DLG2: variants seen among roughly 807,000 people sequenced by gnomAD.
The protein encoded by DLG2 is disks large homolog 2.
In DLG2, 45 loss-of-function variants were observed where a neutral mutation model predicts 132.5. The observed-to-expected ratio is 0.34, with a 90% CI of 0.27 to 0.44. The LOEUF is 0.44. Among genes scored for constraint, DLG2 ranks in the 20% least tolerant of loss-of-function variants. The probability of loss-of-function intolerance (pLI) is 1.00; values close to 1 mark genes in which losing one functional copy is unlikely to be tolerated. For missense variants in DLG2, 1,045 were observed against 1,196.9 expected, an observed-to-expected ratio of 0.87 and a Z score of 1.87; for synonymous variants, 424 against 419.6, an observed-to-expected ratio of 1.01 and a Z score of -0.13.
At chr11:85,205,167 T>TAG (rs763300145) in intron 4 of DLG2, among the ~76,000 whole-genome samples, 1 of 138,782 alleles carries the variant, frequency 7.2e-6, no homozygotes, top group African/African-American at 2.5e-5. Context: ...TATATATAGA[T>TAG]ATATATATAT....
chr11:83,714,147 T>C (rs2086143639), intron 18 of DLG2, among the ~76,000 whole-genome samples: 2 of 152,152 alleles, frequency 1.3e-5, no homozygotes, highest in Admixed American at 1.3e-4. Flanking sequence ...GAATAGAAAC[T>C]ACAAATGTAA....
intron 3 of DLG2, among the ~76,000 whole-genome samples, chr11:85,295,829 A>C (rs886981249): frequency 5.9e-5 from 9 of 152,148 alleles, no homozygotes; most frequent in Admixed American, 5.9e-4. Context: ...TGCTTAGCTG[A>C]AGCTACTTGG....
At chr11:84,785,390 C>T (rs1269755141) in intron 6 of DLG2, among the ~76,000 whole-genome samples, 6 of 152,012 alleles carry the variant, frequency 3.9e-5, no homozygotes, top group South Asian at 2.1e-4. Flanking sequence ...CAATATTTTA[C>T]GCAAGACTCC....
At chr11:83,829,938 A>T (rs974705285) in intron 17 of DLG2, among the ~76,000 whole-genome samples, 4 of 152,012 alleles carry the variant, frequency 2.6e-5, no homozygotes, top group Non-Finnish European at 5.9e-5. Flanking sequence ...GATGTTCGCC[A>T]TCCTGTGTCC....
intron 3 of DLG2, among the ~76,000 whole-genome samples, chr11:85,486,406 C>A (rs907518848): frequency 1.3e-5 from 2 of 152,232 alleles, no homozygotes; most frequent in African/African-American, 2.4e-5. Context: ...CTGGAAATCA[C>A]CCTGCCTCTG....
At chr11:85,344,934 G>C (rs1171136613) in intron 3 of DLG2, among the ~76,000 whole-genome samples, 2 of 150,546 alleles carry the variant, frequency 1.3e-5, no homozygotes, top group East Asian at 3.9e-4. Flanking sequence ...TCAAGACAGA[G>C]CAATAAAGTT....
At chr11:84,920,510 G>C (rs1184106610) in intron 6 of DLG2, among the ~76,000 whole-genome samples, 2 of 152,048 alleles carry the variant, frequency 1.3e-5, no homozygotes, top group Non-Finnish European at 2.9e-5. Context: ...GTCCATTATG[G>C]GTCAGAAATA....
chr11:85,338,122 A>G (rs2082250767), intron 3 of DLG2, among the ~76,000 whole-genome samples: 1 of 152,218 alleles, frequency 6.6e-6, no homozygotes, highest in Non-Finnish European at 1.5e-5. Flanking sequence ...AAGAGAGGCA[A>G]TATTTAAAGA....
At chr11:84,978,344 T>C (rs1356823064) in intron 6 of DLG2, among the ~76,000 whole-genome samples, 1 of 152,188 alleles carries the variant, frequency 6.6e-6, no homozygotes, top group Non-Finnish European at 1.5e-5. Flanking sequence ...AGAGCCCGCA[T>C]TGCCAAGACA....
At chr11:85,148,891 T>G (rs1035487939) in intron 5 of DLG2, among the ~76,000 whole-genome samples, 14 of 152,238 alleles carry the variant, frequency 9.2e-5, no homozygotes, top group Non-Finnish European at 2.1e-4. Context: ...GGGTTTACAT[T>G]TAAGTATTTA....
At chr11:84,206,580 G>T (rs766735409) in intron 8 of DLG2, among the ~76,000 whole-genome samples, 4 of 151,980 alleles carry the variant, frequency 2.6e-5, no homozygotes, top group African/African-American at 4.8e-5. Context: ...TACAAGGTGG[G>T]CTTAACATTT....
At chr11:84,604,016 T>C (rs1306820262) in intron 6 of DLG2, among the ~76,000 whole-genome samples, 1 of 152,004 alleles carries the variant, frequency 6.6e-6, no homozygotes, top group Non-Finnish European at 1.5e-5. Flanking sequence ...CAAGGGATCA[T>C]CATCATCATC....
At chr11:84,470,199 T>G (rs1388044458) in intron 7 of DLG2, among the ~76,000 whole-genome samples, 1 of 151,730 alleles carries the variant, frequency 6.6e-6, no homozygotes, top group African/African-American at 2.4e-5. Flanking sequence ...GTAAACATAG[T>G]TGAATCTAAA....
At chr11:84,717,207 A>C (rs1430290393) in intron 6 of DLG2, among the ~76,000 whole-genome samples, 1 of 152,078 alleles carries the variant, frequency 6.6e-6, no homozygotes, top group Admixed American at 6.6e-5. Context: ...AACTTTCAGG[A>C]AAGGAAATAA....
chr11:85,001,347 T>A (rs1276428897), intron 6 of DLG2, among the ~76,000 whole-genome samples: 1 of 152,106 alleles, frequency 6.6e-6, no homozygotes, highest in East Asian at 1.9e-4. Flanking sequence ...TTTTAAGAGC[T>A]TGAATAAACC....
intron 7 of DLG2, among the ~76,000 whole-genome samples, chr11:84,405,977 A>G (rs1404597907): frequency 6.6e-6 from 1 of 152,108 alleles, no homozygotes; most frequent in Non-Finnish European, 1.5e-5. Context: ...ATCTCTTGCC[A>G]AGATCATGAG....
intron 3 of DLG2, among the ~76,000 whole-genome samples, chr11:85,549,841 A>C (rs2076563635): frequency 6.6e-6 from 1 of 152,232 alleles, no homozygotes; most frequent in Non-Finnish European, 1.5e-5. Context: ...AGCGATGACC[A>C]GTTTACAAAT....
chr11:84,988,590 A>C (rs1339415737), intron 6 of DLG2, among the ~76,000 whole-genome samples: 3 of 152,172 alleles, frequency 2.0e-5, no homozygotes, highest in African/African-American at 7.2e-5. Flanking sequence ...ATGAGATTGG[A>C]GACTATTTTT....
chr11:84,359,266 T>C (rs556322331), intron 7 of DLG2, among the ~76,000 whole-genome samples: 1 of 151,968 alleles, frequency 6.6e-6, no homozygotes, highest in Admixed American at 6.6e-5. Context: ...CAATATGCTG[T>C]TGTTCTAATC....
Sources: allele counts gnomAD v4.1 joint callset (sites outside exome capture counted in the v4.1 genomes callset), GRCh38; gene constraint gnomAD v4.1.1; transcripts MANE v1.5; gene names NCBI Gene and HGNC (gene_info 2026-07-23, HGNC 2026-07-21).